MAP4K3: variants seen among roughly 807,000 people sequenced by gnomAD.
The protein encoded by MAP4K3 is MAPK/ERK kinase kinase kinase 3.
In MAP4K3, 94 loss-of-function variants were observed where a neutral mutation model predicts 143.5. The ratio of observed to expected loss-of-function variants is 0.65; its 90% CI spans 0.55 to 0.78. MAP4K3 has a LOEUF of 0.78. Ranked by LOEUF, MAP4K3 falls within the 30% of genes least tolerant of loss-of-function variation. MAP4K3 has a pLI of 0.00. For missense variants in MAP4K3, 1,077 were observed against 1,068.1 expected (o/e 1.01, Z -0.12); for synonymous variants, 416 against 347.2 (o/e 1.20, Z -2.20).
In MAP4K3 at chr2:39,300,996, A is replaced by T. The variant is rs972645589; in HGVS notation, c.1120-1195T>A. ...CCAACTGTTTATTTTCCCATAAATAAAACTTCAGCCTCGTTAAGATACACA... is the reference window on the plus strand; with the variant it reads ...CCAACTGTTTATTTTCCCATAAATATAACTTCAGCCTCGTTAAGATACACA... On this transcript the variant is annotated intron_variant, in intron 15 of 33. Coordinates refer to ENST00000263881, the MANE Select transcript of MAP4K3 (RefSeq NM_003618.4). Among the ~76,000 whole-genome samples the T allele has an allele frequency of 2.0e-5, 3 of 152,262 alleles. No homozygotes were observed. In the East Asian group the frequency reaches 5.8e-4, roughly 29 times the overall value.
intron 1 of MAP4K3, among the ~76,000 whole-genome samples, chr2:39,430,694 G>C (rs772146151): frequency 1.9e-4 from 29 of 152,104 alleles, no homozygotes; most frequent in African/African-American, 6.7e-4. Context: ...AGTCACTAGG[G>C]GTATTTAGTT....
intron 2 of MAP4K3, among the ~76,000 whole-genome samples, chr2:39,356,728 G>C (rs1420321551): frequency 3.9e-5 from 6 of 152,192 alleles, no homozygotes; most frequent in African/African-American, 7.2e-5. Context: ...AAAATGCTTA[G>C]AACAGTGCCT....
intron 1 of MAP4K3, among the ~76,000 whole-genome samples, chr2:39,390,243 G>C (rs796287730): frequency 2.0e-5 from 3 of 152,276 alleles, no homozygotes; most frequent in African/African-American, 7.2e-5. Context: ...AAGTCCTGTT[G>C]TGCCTTCAGA....
intron 1 of MAP4K3, among the ~76,000 whole-genome samples, chr2:39,396,307 T>C (rs1012791663): frequency 3.9e-5 from 6 of 152,070 alleles, no homozygotes; most frequent in African/African-American, 1.4e-4. Flanking sequence ...TCATGAAGTG[T>C]TGGGATTATA....
chr2:39,392,183 CAAAAA>C (rs3086434), intron 1 of MAP4K3, among the ~76,000 whole-genome samples: 22 of 69,052 alleles, frequency 3.2e-4, no homozygotes, highest in Admixed American at 8.4e-4. Flanking sequence ...CACTCCTACT[CAAAAA>C]AAAAAAAAAA....
chr2:39,285,292 C>A (rs1298453639), intron 21 of MAP4K3, among the ~76,000 whole-genome samples: 2 of 152,154 alleles, frequency 1.3e-5, no homozygotes, highest in African/African-American at 4.8e-5. Context: ...ATTACTGAAA[C>A]AGTTCCTTAT....
At chr2:39,349,655 G>C (rs11689327) in intron 3 of MAP4K3, among the ~76,000 whole-genome samples, 1 of 151,328 alleles carries the variant, frequency 6.6e-6, no homozygotes. Context: ...AGAAGGGAGA[G>C]GTAACAAAAT....
At chr2:39,262,577 C>T (rs181708863) in intron 28 of MAP4K3, among the ~76,000 whole-genome samples, 40 of 152,068 alleles carry the variant, frequency 2.6e-4, no homozygotes, top group Non-Finnish European at 4.7e-4. Flanking sequence ...AAAAACACAA[C>T]AGATTTTGAT....
intron 6 of MAP4K3, among the ~76,000 whole-genome samples, 157 bp downstream of exon 6, chr2:39,336,763 G>A (rs1480249721): frequency 6.6e-6 from 1 of 151,940 alleles, no homozygotes; most frequent in African/African-American, 2.4e-5. Flanking sequence ...CCTCAATAAA[G>A]CTGCTATAAA....
chr2:39,306,210 C>T (rs1558636169), intron 15 of MAP4K3, among the ~76,000 whole-genome samples: 1 of 152,140 alleles, frequency 6.6e-6, no homozygotes, highest in Non-Finnish European at 1.5e-5. Context: ...ATACTAGAGT[C>T]AATTTAAAAA....
intron 13 of MAP4K3, among the ~76,000 whole-genome samples, chr2:39,311,992 T>A (rs970807901): frequency 6.6e-6 from 1 of 152,146 alleles, no homozygotes. Context: ...GAGCAAAAAA[T>A]TGGTAAATAT....
intron 2 of MAP4K3, among the ~76,000 whole-genome samples, chr2:39,367,555 AAAAGG>A (rs1665959445): frequency 6.6e-6 from 1 of 151,894 alleles, no homozygotes; most frequent in Non-Finnish European, 1.5e-5. Context: ...ACAAAAAAAG[AAAAGG>A]AAAAGGAAAA....
chr2:39,314,506 A>G (rs1388929610), intron 13 of MAP4K3, among the ~76,000 whole-genome samples: 1 of 152,244 alleles, frequency 6.6e-6, no homozygotes, highest in African/African-American at 2.4e-5. Context: ...AGATAATTTT[A>G]TATGATCACA....
intron 28 of MAP4K3, 181 bp from the exon 29 acceptor site, chr2:39,260,958 A>AT: frequency 1.9e-6 from 1 of 529,384 alleles, no homozygotes; most frequent in Non-Finnish European, 3.3e-6. Flanking sequence ...CCACCGCAAA[A>AT]TATTTTAAAG....
At chr2:39,363,650 T>C (rs753748182) in intron 2 of MAP4K3, among the ~76,000 whole-genome samples, 44 of 115,598 alleles carry the variant, frequency 3.8e-4, no homozygotes, top group African/African-American at 1.3e-3. Context: ...GCTTGGGCAA[T>C]AGAGTGAGAC....
intron 1 of MAP4K3, among the ~76,000 whole-genome samples, chr2:39,426,739 T>G (rs1373080424): frequency 6.6e-6 from 1 of 152,014 alleles, no homozygotes; most frequent in African/African-American, 2.4e-5. Flanking sequence ...TTTTAAAAAA[T>G]GAAAGTTTCA....
At chr2:39,428,826 T>C (rs967630572) in intron 1 of MAP4K3, among the ~76,000 whole-genome samples, 15 of 151,658 alleles carry the variant, frequency 9.9e-5, no homozygotes, top group African/African-American at 3.6e-4. Flanking sequence ...TCCCAGCACC[T>C]TGGGAGGCTG....
chr2:39,343,560 CA>C, intron 3 of MAP4K3, 108 bp from the exon 4 acceptor site: 1 of 759,744 alleles, frequency 1.3e-6, no homozygotes, highest in Non-Finnish European at 2.2e-6. Flanking sequence ...ACAACAAATG[CA>C]ATGTGTTATC....
intron 15 of MAP4K3, among the ~76,000 whole-genome samples, chr2:39,304,628 A>C (rs1462954339): frequency 6.6e-6 from 1 of 152,256 alleles, no homozygotes; most frequent in East Asian, 1.9e-4. Context: ...GTGGGAATGT[A>C]AAATGTTGCA....
Sources: gnomAD v4.1 joint callset for allele counts (sites outside exome capture counted in the v4.1 genomes callset) on GRCh38, gnomAD v4.1.1 for gene constraint, MANE v1.5 for transcripts, NCBI Gene and HGNC (gene_info 2026-07-23, HGNC 2026-07-21) for gene names.